Variants in ATP10D observed in about 807,000 individuals in gnomAD.
The protein encoded by ATP10D is ATPase phospholipid transporting 10D (putative).
A neutral mutation model predicts 144.8 loss-of-function variants in ATP10D; 89 were observed. That is an observed-to-expected ratio of 0.61 (90% CI 0.52 to 0.73). The LOEUF is 0.73. Ranked by LOEUF, ATP10D falls within the 30% of genes least tolerant of loss-of-function variation. ATP10D has a pLI of 0.00. For missense variants in ATP10D, 1,603 were observed against 1,714.8 expected (o/e 0.93, Z 1.15); for synonymous variants, 571 against 615.1 (o/e 0.93, Z 1.06).
intron 4 of ATP10D, among the ~76,000 whole-genome samples, chr4:47,524,185 C>T (rs1408363126): frequency 6.6e-6 from 1 of 152,150 alleles, no homozygotes; most frequent in Admixed American, 6.5e-5. Context: ...CTCGGCCTCC[C>T]AAAGTGCTGG....
At chr4:47,495,444 C>G (rs1391964324) in intron 1 of ATP10D, among the ~76,000 whole-genome samples, 1 of 152,064 alleles carries the variant, frequency 6.6e-6, no homozygotes, top group Non-Finnish European at 1.5e-5. Context: ...CAAAATTTAA[C>G]TTTTTGATTA....
At chr4:47,547,123 C>CCTG in intron 10 of ATP10D, 1 of 463,516 alleles carries the variant, frequency 2.2e-6, no homozygotes, top group Non-Finnish European at 3.9e-6. Flanking sequence ...CTGGCCAGGG[C>CCTG]TGATTATGTG....
intron 18 of ATP10D, among the ~76,000 whole-genome samples, chr4:47,576,132 C>T (rs1057202273): frequency 1.3e-5 from 2 of 151,350 alleles, no homozygotes; most frequent in African/African-American, 4.9e-5. Flanking sequence ...GGGGTTTCAC[C>T]GTTTTAGCCG....
chr4:47,572,949 T>C lies in ATP10D; in HGVS notation c.3318T>C (p.Cys1106=), dbSNP rs754817097. 3.7e-6 allele frequency: 6 copies of C among 1,614,054 alleles called. 1 individual carries two copies. The South Asian group carries it at 6.6e-5, about 18-fold the overall frequency. The change falls in exon 18 of 23, where the codon TGT becomes TGC. Residue 1106 remains cysteine (C), a synonymous_variant. Coordinates refer to ENST00000273859, the MANE Select transcript of ATP10D (RefSeq NM_020453.4). ...TCCTTCTTGTCCATGGACACTGGTG[T>C]TATACACGGCTTTCCAACATGATTC... The part of the protein sequence containing the change: ...SKLLLVHGHW[C]YTRLSNMILY...
chr4:47,517,287 T>G (rs1251722067), intron 3 of ATP10D, among the ~76,000 whole-genome samples: 2 of 151,676 alleles, frequency 1.3e-5, no homozygotes, highest in African/African-American at 4.8e-5. Context: ...CATGGTGGGG[T>G]GTGCGTGTAG....
At chr4:47,510,677 A>G (rs1026484443) in intron 1 of ATP10D, among the ~76,000 whole-genome samples, 5 of 152,152 alleles carry the variant, frequency 3.3e-5, no homozygotes, top group African/African-American at 7.2e-5. Flanking sequence ...GCAGAAGTTA[A>G]CACCTCCTGT....
chr4:47,550,653 A>G (rs1365252619), intron 10 of ATP10D, among the ~76,000 whole-genome samples: 1 of 152,130 alleles, frequency 6.6e-6, no homozygotes, highest in Admixed American at 6.5e-5. Context: ...CGTGAGTGTT[A>G]TAGCTCTATT....
intron 15 of ATP10D, among the ~76,000 whole-genome samples, chr4:47,566,808 T>C (rs941470533): frequency 1.3e-5 from 2 of 152,224 alleles, no homozygotes; most frequent in African/African-American, 4.8e-5. Flanking sequence ...TCTTCTGAAA[T>C]GTACCTTATT....
At chr4:47,541,442 T>A (rs1489259050) in intron 9 of ATP10D, among the ~76,000 whole-genome samples, 2 of 152,222 alleles carry the variant, frequency 1.3e-5, no homozygotes, top group Non-Finnish European at 2.9e-5. Context: ...GAAGCCAAGA[T>A]ACTGGATGTT....
intron 1 of ATP10D, among the ~76,000 whole-genome samples, chr4:47,485,792 A>G (rs1247657615): frequency 6.7e-6 from 1 of 149,526 alleles, no homozygotes; most frequent in Non-Finnish European, 1.5e-5. Context: ...AAAAAGGTAA[A>G]CTGCACACGC....
chr4:47,512,872 A>T (rs1716428274), intron 2 of ATP10D, 42 bp downstream of exon 2: 1 of 1,517,876 alleles, frequency 6.6e-7, no homozygotes, highest in Non-Finnish European at 9.0e-7. Context: ...ATATCATTCT[A>T]GTTGATATAT....
chr4:47,544,405 C>T (rs918091602), intron 9 of ATP10D, among the ~76,000 whole-genome samples: 2 of 152,018 alleles, frequency 1.3e-5, no homozygotes, highest in Non-Finnish European at 2.9e-5. Flanking sequence ...AGAAAGGACG[C>T]AAATGAATAT....
At chr4:47,495,802 A>G (rs1404555637) in intron 1 of ATP10D, among the ~76,000 whole-genome samples, 11 of 151,644 alleles carry the variant, frequency 7.3e-5, no homozygotes, top group Admixed American at 6.6e-4. Flanking sequence ...CAATGGTGCA[A>G]TCTCGGCTCA....
At chr4:47,527,102 T>C (rs538790243) in intron 5 of ATP10D, among the ~76,000 whole-genome samples, 1 of 152,228 alleles carries the variant, frequency 6.6e-6, no homozygotes, top group East Asian at 1.9e-4. Flanking sequence ...GGCATAAAGA[T>C]AGATCAGGAG....
intron 3 of ATP10D, among the ~76,000 whole-genome samples, chr4:47,517,308 T>C (rs1265291785): frequency 6.6e-6 from 1 of 151,972 alleles, no homozygotes; most frequent in African/African-American, 2.4e-5. Flanking sequence ...TCCCAGATAT[T>C]GGGAGGCTGA....
chr4:47,523,344 G>T (rs766908217), intron 4 of ATP10D, 128 bp downstream of exon 4: 12 of 775,500 alleles, frequency 1.5e-5, no homozygotes, highest in Non-Finnish European at 2.3e-5. Context: ...AATCCCAGAA[G>T]GTTTCATTCA....
intron 15 of ATP10D, among the ~76,000 whole-genome samples, chr4:47,564,983 G>A (rs187786896): frequency 6.6e-6 from 1 of 152,302 alleles, no homozygotes; most frequent in East Asian, 1.9e-4. Flanking sequence ...TTGTTTGTTT[G>A]TTTGTTTTGA....
chr4:47,520,434 T>A (rs777349515), intron 3 of ATP10D, among the ~76,000 whole-genome samples: 5 of 152,180 alleles, frequency 3.3e-5, no homozygotes, highest in Non-Finnish European at 5.9e-5. Flanking sequence ...CTCCCCTGCA[T>A]CCTATGTGCA....
intron 21 of ATP10D, among the ~76,000 whole-genome samples, chr4:47,585,055 A>G (rs911426720): frequency 2.0e-5 from 3 of 152,226 alleles, no homozygotes; most frequent in Non-Finnish European, 4.4e-5. Flanking sequence ...GTAGTACTGT[A>G]TACTGCACTA....
Sources: gnomAD v4.1 joint callset for allele counts (sites outside exome capture counted in the v4.1 genomes callset) on GRCh38, gnomAD v4.1.1 for gene constraint, MANE v1.5 for transcripts, NCBI Gene and HGNC (gene_info 2026-07-23, HGNC 2026-07-21) for gene names.